The following GALNTL6 variants were observed in gnomAD, a reference collection of about 807,000 sequenced individuals.
GALNTL6 encodes the protein polypeptide N-acetylgalactosaminyltransferase-like 6.
GALNTL6 carries 46 observed loss-of-function variants against 73.7 expected under a neutral mutation model. The observed-to-expected ratio is 0.62, with a 90% CI of 0.49 to 0.80. The LOEUF (loss-of-function observed/expected upper bound fraction) is 0.80, where lower values mean the gene tolerates loss of function less well. Ranked by LOEUF, GALNTL6 falls within the 30% of genes least tolerant of loss-of-function variation. GALNTL6 has a pLI of 0.00. For synonymous variants in GALNTL6, 259 were observed against 263.7 expected, an observed-to-expected ratio of 0.98 and a Z score of 0.17; for missense variants, 604 against 755.0, an observed-to-expected ratio of 0.80 and a Z score of 2.34.
chr4:172,095,702 C>T (rs1023930764), intron 2 of GALNTL6, among the ~76,000 whole-genome samples: 1 of 151,980 alleles, frequency 6.6e-6, no homozygotes. Flanking sequence ...AGGTTTCCTC[C>T]GAATTTTAAA....
At chr4:172,351,912 A>C (rs1741956478) in intron 5 of GALNTL6, among the ~76,000 whole-genome samples, 2 of 152,162 alleles carry the variant, frequency 1.3e-5, no homozygotes, top group African/African-American at 4.8e-5. Flanking sequence ...CAAAAGCACT[A>C]AACTTTAACA....
At chr4:172,853,188 C>A (rs185732240) in intron 7 of GALNTL6, among the ~76,000 whole-genome samples, 1 of 152,260 alleles carries the variant, frequency 6.6e-6, no homozygotes, top group Non-Finnish European at 1.5e-5. Flanking sequence ...GGGAAAGTAT[C>A]CATTTGCAAG....
At chr4:172,864,884 G>A (rs763544254) in intron 7 of GALNTL6, among the ~76,000 whole-genome samples, 12 of 152,108 alleles carry the variant, frequency 7.9e-5, no homozygotes, top group Non-Finnish European at 1.5e-4. Context: ...AAGGGGACAG[G>A]TGTCAACATA....
chr4:172,587,624 A>T (rs1337246760), intron 5 of GALNTL6, among the ~76,000 whole-genome samples: 2 of 152,190 alleles, frequency 1.3e-5, no homozygotes, highest in African/African-American at 4.8e-5. Flanking sequence ...GCATTTCCTC[A>T]GTAGCCTATG....
At chr4:172,341,744 T>A (rs1258248670) in intron 4 of GALNTL6, among the ~76,000 whole-genome samples, 1 of 152,182 alleles carries the variant, frequency 6.6e-6, no homozygotes, top group South Asian at 2.1e-4. Context: ...CTTCCCTCCC[T>A]CCATGATTGT....
intron 5 of GALNTL6, among the ~76,000 whole-genome samples, chr4:172,405,429 ATATATATATATATATTTTTTTTT>A (rs1457201204): frequency 0.011 from 179 of 16,258 alleles, 3 homozygotes; most frequent in Middle Eastern, 0.12. Context: ...ATATATATAT[ATATATATATATATATTTTTTTTT>A]TTTTTTTTTT....
chr4:171,870,772 G>A (rs1156766733), intron 2 of GALNTL6, among the ~76,000 whole-genome samples: 1 of 152,144 alleles, frequency 6.6e-6, no homozygotes, highest in African/African-American at 2.4e-5. Flanking sequence ...CTGGAGGGGA[G>A]GTCTATGCTG....
At chr4:172,763,168 A>C (rs1738216446) in intron 5 of GALNTL6, among the ~76,000 whole-genome samples, 1 of 151,818 alleles carries the variant, frequency 6.6e-6, no homozygotes, top group African/African-American at 2.4e-5. Context: ...GTCTAAAGAC[A>C]GTCGAGAAGT....
At chr4:171,944,472 C>A (rs868425806) in intron 2 of GALNTL6, among the ~76,000 whole-genome samples, 21 of 152,040 alleles carry the variant, frequency 1.4e-4, no homozygotes, top group Middle Eastern at 3.4e-3. Context: ...GTCTCTGTAA[C>A]CTTAACAATA....
intron 3 of GALNTL6, among the ~76,000 whole-genome samples, chr4:172,260,138 G>C (rs1738208166): frequency 6.6e-6 from 1 of 151,614 alleles, no homozygotes; most frequent in South Asian, 2.1e-4. Context: ...GAAGAATGAT[G>C]ATGGTACTTT....
At chr4:172,806,450 A>G (rs1740967321) in intron 5 of GALNTL6, among the ~76,000 whole-genome samples, 1 of 152,238 alleles carries the variant, frequency 6.6e-6, no homozygotes, top group African/African-American at 2.4e-5. Flanking sequence ...AGAATTTCTT[A>G]TAAACCAAAG....
chr4:171,976,884 A>G (rs2111073580), intron 2 of GALNTL6, among the ~76,000 whole-genome samples: 1 of 152,302 alleles, frequency 6.6e-6, no homozygotes, highest in African/African-American at 2.4e-5. Flanking sequence ...ATGAGAGAAA[A>G]ATCAGTTTTA....
Position 172,179,253 on chromosome 4 carries a change from C to G in GALNTL6, c.139-50403C>G, listed in dbSNP as rs182739929. Among the ~76,000 whole-genome samples, 667 of 151,758 alleles carry G rather than the reference C, an allele frequency of 4.4e-3. 11 individuals carry two copies. Among genetic ancestry groups the G allele is most frequent in the African/African-American group, 0.015 (636 of 41,148 alleles). On this transcript the variant is annotated intron_variant, in intron 2 of 12. Coordinates refer to ENST00000506823, the MANE Select transcript of GALNTL6 (RefSeq NM_001034845.3). ...CACACTGACTTCCACAATGGATGAA[C>G]TAGTTTGCAGTCCCACCAACAGTGT...
intron 10 of GALNTL6, among the ~76,000 whole-genome samples, chr4:172,991,669 A>T (rs892151197): frequency 6.6e-6 from 1 of 152,128 alleles, no homozygotes; most frequent in East Asian, 1.9e-4. Flanking sequence ...CAGCCTCCCA[A>T]AGTGCTAGGA....
chr4:172,931,503 C>T (rs1262432797), intron 9 of GALNTL6, among the ~76,000 whole-genome samples: 1 of 152,214 alleles, frequency 6.6e-6, no homozygotes, highest in Non-Finnish European at 1.5e-5. Flanking sequence ...CCATTACCTT[C>T]TGAGGTCTGT....
At chr4:172,922,108 A>G (rs1007703279) in intron 8 of GALNTL6, among the ~76,000 whole-genome samples, 11 of 152,114 alleles carry the variant, frequency 7.2e-5, no homozygotes, top group African/African-American at 2.4e-4. Flanking sequence ...TGATGGGTTT[A>G]TCAGAGGTTT....
At chr4:172,658,509 T>A (rs1460828853) in intron 5 of GALNTL6, among the ~76,000 whole-genome samples, 2 of 148,834 alleles carry the variant, frequency 1.3e-5, no homozygotes, top group African/African-American at 2.5e-5. Flanking sequence ...AAAAGAAATA[T>A]CTTTGTGGGT....
intron 7 of GALNTL6, among the ~76,000 whole-genome samples, chr4:172,816,144 A>G (rs925955963): frequency 1.3e-5 from 2 of 152,230 alleles, no homozygotes; most frequent in African/African-American, 2.4e-5. Context: ...GCCAAAGTGT[A>G]TGGTTTTCTG....
chr4:172,553,033 G>A (rs1380293205), intron 5 of GALNTL6, among the ~76,000 whole-genome samples: 1 of 152,040 alleles, frequency 6.6e-6, no homozygotes, highest in African/African-American at 2.4e-5. Context: ...GCAGTCCTCA[G>A]AGAAAACTGC....
Sources: allele counts gnomAD v4.1 joint callset (sites outside exome capture counted in the v4.1 genomes callset), GRCh38; gene constraint gnomAD v4.1.1; transcripts MANE v1.5; gene names NCBI Gene and HGNC (gene_info 2026-07-23, HGNC 2026-07-21).